The following ADGRL3 variants were observed in gnomAD, a reference collection of about 807,000 sequenced individuals.
ADGRL3 encodes the protein calcium-independent alpha-latrotoxin receptor 3.
Under a neutral mutation model 153.5 loss-of-function variants are expected in ADGRL3, and 62 were observed. The observed-to-expected ratio is 0.40, with a 90% CI of 0.33 to 0.50. The LOEUF (loss-of-function observed/expected upper bound fraction) is 0.50, where lower values mean the gene tolerates loss of function less well. Among genes scored for constraint, ADGRL3 ranks in the 20% least tolerant of loss-of-function variants. ADGRL3 has a pLI of 0.47. For missense variants in ADGRL3, 1,641 were observed against 1,859.4 expected, an observed-to-expected ratio of 0.88 and a Z score of 2.16; for synonymous variants, 710 against 672.5, an observed-to-expected ratio of 1.06 and a Z score of -0.86.
At chr4:61,373,889 A>G (rs898716041) in intron 1 of ADGRL3, among the ~76,000 whole-genome samples, 5 of 152,198 alleles carry the variant, frequency 3.3e-5, no homozygotes, top group African/African-American at 9.6e-5. Context: ...ATAACTTAAA[A>G]TGTAGATTTA....
intron 1 of ADGRL3, among the ~76,000 whole-genome samples, chr4:61,245,198 GACTTGT>G (rs936779913): frequency 2.0e-4 from 31 of 152,160 alleles, no homozygotes; most frequent in Middle Eastern, 3.4e-3. Context: ...AAATCAGACA[GACTTGT>G]GGATCAGTGC....
intron 17 of ADGRL3, among the ~76,000 whole-genome samples, chr4:61,962,315 A>G (rs1363809395): frequency 6.6e-6 from 1 of 152,192 alleles, no homozygotes; most frequent in East Asian, 1.9e-4. Flanking sequence ...ATTATATTTT[A>G]AGAACATTAT....
At chr4:61,662,822 C>A (rs2094647732) in intron 5 of ADGRL3, among the ~76,000 whole-genome samples, 1 of 152,170 alleles carries the variant, frequency 6.6e-6, no homozygotes, top group South Asian at 2.1e-4. Flanking sequence ...CTGACTTGGG[C>A]AGACGATGGA....
Position 62,031,561 on chromosome 4 carries a change from C to A in ADGRL3, c.3542C>A (p.Ser1181Tyr), listed in dbSNP as rs1182581433. 1 of 1,610,040 alleles carries A rather than the reference C, an allele frequency of 6.2e-7. No individual in the cohort carries two copies. The highest frequency in any genetic ancestry group is 1.3e-5 in the African/African-American group (1 of 74,856). The part of the protein sequence containing the change: ...IMAYLFTIFN[S>Y]LQGMFIFIFH... Reference sequence around the variant, plus strand: ...GCCTATCTCTTCACCATTTTCAATTCTCTACAGGGAATGTTTATATTTATT... The same window carrying A: ...GCCTATCTCTTCACCATTTTCAATTATCTACAGGGAATGTTTATATTTATT... The change falls in exon 23 of 27, where the codon TCT (serine) becomes TAT (tyrosine). Residue 1181 changes from serine (S) to tyrosine (Y), a missense_variant. Coordinates refer to ENST00000683033, the MANE Select transcript of ADGRL3 (RefSeq NM_001387552.1).
At chr4:61,264,640 T>C (rs990740081) in intron 1 of ADGRL3, among the ~76,000 whole-genome samples, 2 of 151,966 alleles carry the variant, frequency 1.3e-5, no homozygotes, top group African/African-American at 4.8e-5. Context: ...TTTATAATGG[T>C]AAATACTGTG....
chr4:61,270,147 C>A (rs2093083433), intron 1 of ADGRL3, among the ~76,000 whole-genome samples: 1 of 151,492 alleles, frequency 6.6e-6, no homozygotes, highest in East Asian at 1.9e-4. Flanking sequence ...ATGATTTAAA[C>A]CTGTGGGACA....
At chr4:61,688,799 C>A (rs1016412788) in intron 6 of ADGRL3, among the ~76,000 whole-genome samples, 1 of 152,112 alleles carries the variant, frequency 6.6e-6, no homozygotes, top group Non-Finnish European at 1.5e-5. Context: ...TATTTCAGAT[C>A]ACTGCTGGAT....
chr4:61,674,366 CATTG>C (rs1003477094), intron 5 of ADGRL3, among the ~76,000 whole-genome samples: 85 of 151,722 alleles, frequency 5.6e-4, no homozygotes, highest in African/African-American at 2.0e-3. Context: ...TTATATCGTA[CATTG>C]ATTATTTAAA....
intron 5 of ADGRL3, among the ~76,000 whole-genome samples, chr4:61,602,086 C>G (rs564501972): frequency 1.9e-5 from 2 of 103,720 alleles, no homozygotes; most frequent in Non-Finnish European, 4.9e-5. Flanking sequence ...AATAAATAAA[C>G]GCTTGATCCA....
intron 5 of ADGRL3, among the ~76,000 whole-genome samples, chr4:61,620,634 C>CTTTTTTT (rs71664993): frequency 1.0e-3 from 72 of 69,720 alleles, no homozygotes; most frequent in Non-Finnish European, 1.2e-3. Context: ...TAAATTGTGA[C>CTTTTTTT]TTTTTTTTTT....
intron 2 of ADGRL3, among the ~76,000 whole-genome samples, chr4:61,432,331 C>T (rs2097364966): frequency 6.6e-6 from 1 of 152,166 alleles, no homozygotes; most frequent in African/African-American, 2.4e-5. Context: ...CTACATACTT[C>T]TGCCATGCAG....
chr4:61,255,437 T>C (rs1190151213), intron 1 of ADGRL3, among the ~76,000 whole-genome samples: 1 of 152,166 alleles, frequency 6.6e-6, no homozygotes, highest in East Asian at 1.9e-4. Flanking sequence ...AACTTGGCAA[T>C]TGCCTTGTTA....
intron 8 of ADGRL3, among the ~76,000 whole-genome samples, chr4:61,786,153 C>T (rs1030784720): frequency 1.3e-5 from 2 of 152,186 alleles, no homozygotes; most frequent in African/African-American, 4.8e-5. Flanking sequence ...ACCATACATT[C>T]TACATTCATG....
chr4:61,220,842 G>A (rs894976964), intron 1 of ADGRL3, among the ~76,000 whole-genome samples: 1 of 152,140 alleles, frequency 6.6e-6, no homozygotes, highest in Non-Finnish European at 1.5e-5. Flanking sequence ...AATACTTACA[G>A]CAGCGTCAGA....
At chr4:62,005,692 A>G (rs968571985) in intron 21 of ADGRL3, among the ~76,000 whole-genome samples, 17 of 152,096 alleles carry the variant, frequency 1.1e-4, no homozygotes, top group African/African-American at 3.1e-4. Flanking sequence ...TAAACTAGCT[A>G]TTCATAAGAC....
intron 9 of ADGRL3, among the ~76,000 whole-genome samples, chr4:61,870,705 T>A (rs1219461673): frequency 6.6e-6 from 1 of 152,236 alleles, no homozygotes; most frequent in Non-Finnish European, 1.5e-5. Flanking sequence ...GTCAACATTA[T>A]TAGCCATCAG....
chr4:61,768,404 C>G (rs979740802), intron 8 of ADGRL3, among the ~76,000 whole-genome samples: 1 of 151,726 alleles, frequency 6.6e-6, no homozygotes, highest in East Asian at 1.9e-4. Flanking sequence ...CGCTTGGGGT[C>G]GGTACTGAGG....
At chr4:62,031,037 A>T (rs1721738758) in intron 22 of ADGRL3, among the ~76,000 whole-genome samples, 1 of 151,582 alleles carries the variant, frequency 6.6e-6, no homozygotes, top group Admixed American at 6.6e-5. Flanking sequence ...GTAAAAATGT[A>T]TCAGAAGAAG....
intron 4 of ADGRL3, among the ~76,000 whole-genome samples, chr4:61,549,267 G>T (rs78491226): frequency 6.6e-6 from 1 of 151,812 alleles, no homozygotes; most frequent in Non-Finnish European, 1.5e-5. Flanking sequence ...CTGCAAACAG[G>T]GATAATTTGA....
Sources: gnomAD v4.1 joint callset for allele counts (sites outside exome capture counted in the v4.1 genomes callset) on GRCh38, gnomAD v4.1.1 for gene constraint, MANE v1.5 for transcripts, NCBI Gene and HGNC (gene_info 2026-07-23, HGNC 2026-07-21) for gene names.